Variants in MCCC1 observed in about 807,000 individuals in gnomAD.
MCCC1 encodes the protein methylcrotonyl-CoA carboxylase subunit 1.
Under a neutral mutation model 83.8 loss-of-function variants are expected in MCCC1, and 64 were observed. The ratio of observed to expected loss-of-function variants is 0.76; its 90% confidence interval spans 0.62 to 0.94. The LOEUF (loss-of-function observed/expected upper bound fraction) is 0.94. Among genes scored for constraint, MCCC1 ranks in the 40% least tolerant of loss-of-function variants. MCCC1 has a pLI of 0.00. For missense variants in MCCC1, 807 were observed against 904.7 expected (o/e 0.89, Z 1.39); for synonymous variants, 322 against 315.4 (o/e 1.02, Z -0.22).
At chr3:183,017,597 A>T in intron 17 of MCCC1, 1 of 490,690 alleles carries the variant, frequency 2.0e-6, no homozygotes, top group Non-Finnish European at 3.7e-6. Context: ...GCACTGGTCA[A>T]ATCAGAGGCC....
At chr3:183,111,953 G>A (rs932045403) in intron 1 of MCCC1, among the ~76,000 whole-genome samples, 3 of 151,622 alleles carry the variant, frequency 2.0e-5, no homozygotes, top group Admixed American at 6.6e-5. Flanking sequence ...AAAATATATC[G>A]CCATTTTTGA....
rs941906925 is a variant in MCCC1 at position 183,060,006 on chromosome 3, G to C, written c.762-2584C>G. ...GGTGTCCTCTGAGTTTCCTGGTTCT[G>C]TAGTTTTGCATCTGTCAACAACTTC... On this transcript the variant is annotated intron_variant, in intron 7 of 18. Transcript: ENST00000265594. Among the ~76,000 whole-genome samples the C allele has an allele frequency of 2.6e-5, 4 of 152,006 alleles. No individual in the cohort carries two copies. In the East Asian group the frequency reaches 5.8e-4, roughly 22 times the overall value.
At chr3:183,081,551 A>G (rs1391547948) in intron 4 of MCCC1, among the ~76,000 whole-genome samples, 1 of 152,214 alleles carries the variant, frequency 6.6e-6, no homozygotes, top group East Asian at 1.9e-4. Context: ...TCCATGGTGA[A>G]GCGGACAAGT....
chr3:183,108,711 A>C (rs1719445414), intron 1 of MCCC1, among the ~76,000 whole-genome samples: 1 of 152,186 alleles, frequency 6.6e-6, no homozygotes, highest in Non-Finnish European at 1.5e-5. Context: ...AACTCCACCC[A>C]CTGATCCTGT....
chr3:183,039,264 C>T, intron 11 of MCCC1, 129 bp from the exon 12 acceptor site: 1 of 949,136 alleles, frequency 1.1e-6, no homozygotes, highest in Non-Finnish European at 1.7e-6. Flanking sequence ...AATAACAACA[C>T]AAATTTATTC....
chr3:183,062,285 G>A (rs963095377), intron 7 of MCCC1, among the ~76,000 whole-genome samples: 3 of 151,770 alleles, frequency 2.0e-5, no homozygotes, highest in Admixed American at 6.6e-5. Flanking sequence ...TCCAGGTTAT[G>A]AAGGGAATGT....
intron 4 of MCCC1, among the ~76,000 whole-genome samples, chr3:183,080,210 T>C (rs1450886719): frequency 6.6e-6 from 1 of 152,196 alleles, no homozygotes; most frequent in Non-Finnish European, 1.5e-5. Context: ...GATTTTCTTT[T>C]CTACCACATT....
rs1384227816 is a variant in MCCC1, at chr3:183,089,613, C to CA, written c.273+2795dup. Among the ~76,000 whole-genome samples the CA allele has an allele frequency of 1.1e-3, 164 of 142,802 alleles. 2 individuals carry two copies. Among genetic ancestry groups the CA allele is most frequent in the African/African-American group, 3.7e-3 (141 of 38,574 alleles). The allele number at this position is 142,802 out of a possible 152,430, so 93.7% of individuals were successfully genotyped here. A position where few individuals can be genotyped will look rare whatever the true frequency, so the allele number is the denominator to read the frequency against. On this transcript the variant is annotated intron_variant, in intron 3 of 18. Transcript: ENST00000265594. The stretch of plus-strand genomic sequence containing the variant: ...TAGCTGACAGAGTGAGACCCTGGCT[C>CA]AAAAAAAAAGGTGACTGTGGCTTTG...
intron 14 of MCCC1, among the ~76,000 whole-genome samples, chr3:183,029,924 T>C (rs1346637484): frequency 6.6e-6 from 1 of 152,114 alleles, no homozygotes; most frequent in Non-Finnish European, 1.5e-5. Context: ...CTTGGCCTGA[T>C]ATTGGAGGCC....
At chr3:183,016,082 C>T (rs532723762) in intron 18 of MCCC1, among the ~76,000 whole-genome samples, 1 of 151,766 alleles carries the variant, frequency 6.6e-6, no homozygotes, top group African/African-American at 2.4e-5. Flanking sequence ...GTGTGTGCCA[C>T]CACACCTGGC....
upstream of MCCC1, among the ~76,000 whole-genome samples, chr3:183,100,464 T>C (rs1021166006): frequency 6.6e-6 from 1 of 152,214 alleles, no homozygotes; most frequent in Non-Finnish European, 1.5e-5. Flanking sequence ...AAGCCCTCCA[T>C]GTCTTGCAAG....
intron 1 of MCCC1, among the ~76,000 whole-genome samples, chr3:183,096,368 T>C (rs1474999757): frequency 2.6e-5 from 4 of 151,806 alleles, no homozygotes; most frequent in Non-Finnish European, 5.9e-5. Context: ...ATAAAAAGCA[T>C]ATGCAGGGAA....
chr3:183,025,606 T>G (rs1435640909), intron 15 of MCCC1, 149 bp downstream of exon 15: 4 of 726,000 alleles, frequency 5.5e-6, no homozygotes, highest in Non-Finnish European at 9.7e-6. Flanking sequence ...TTTCCCCAAA[T>G]TGGGTCTGAA....
chr3:183,093,180 C>T (rs533150101), intron 2 of MCCC1, among the ~76,000 whole-genome samples: 1 of 152,300 alleles, frequency 6.6e-6, no homozygotes, highest in South Asian at 2.1e-4. Context: ...AGGTGTGAGC[C>T]ACCACACCCG....
At chr3:183,045,602 TC>T in intron 9 of MCCC1, 62 bp from the exon 10 acceptor site, 5 of 1,567,540 alleles carry the variant, frequency 3.2e-6, no homozygotes, top group Non-Finnish European at 4.4e-6. Flanking sequence ...ACCAAAATCT[TC>T]CATGATGCAT....
At chr3:183,076,209 A>G (rs1190957842) in intron 4 of MCCC1, among the ~76,000 whole-genome samples, 1 of 152,322 alleles carries the variant, frequency 6.6e-6, no homozygotes, top group African/African-American at 2.4e-5. Context: ...ATCTGTTCCC[A>G]ATACCCAAGC....
chr3:183,087,213 T>G (rs1205408004), intron 3 of MCCC1, among the ~76,000 whole-genome samples: 1 of 152,232 alleles, frequency 6.6e-6, no homozygotes, highest in Admixed American at 6.5e-5. Flanking sequence ...TATATAATTA[T>G]CAGAGTATGA....
At chr3:183,035,650 G>A (rs1209157752) in intron 13 of MCCC1, among the ~76,000 whole-genome samples, 1 of 151,928 alleles carries the variant, frequency 6.6e-6, no homozygotes, top group East Asian at 1.9e-4. Flanking sequence ...TCCGATTCTG[G>A]AGCATTTTGG....
At chr3:183,050,301 T>C (rs1714867446) in intron 9 of MCCC1, among the ~76,000 whole-genome samples, 1 of 152,208 alleles carries the variant, frequency 6.6e-6, no homozygotes, top group African/African-American at 2.4e-5. Flanking sequence ...TAATATAACC[T>C]AGACAAGCTT....
Sources: gnomAD v4.1 joint callset for allele counts (sites outside exome capture counted in the v4.1 genomes callset) on GRCh38, gnomAD v4.1.1 for gene constraint, MANE v1.5 for transcripts, NCBI Gene and HGNC (gene_info 2026-07-23, HGNC 2026-07-21) for gene names.